Variants in HYLS1 observed in about 807,000 individuals in gnomAD.
The protein encoded by HYLS1 is centriolar and ciliogenesis-associated protein HYLS1.
In HYLS1, 25 loss-of-function variants were observed where a neutral mutation model predicts 29.4. The ratio of observed to expected loss-of-function variants is 0.85; its 90% CI spans 0.62 to 1.19. The LOEUF is 1.19. HYLS1 is among the 50% of genes most tolerant of loss of function. The pLI, the probability that HYLS1 is intolerant of heterozygous loss-of-function variation, is 0.00. For missense variants in HYLS1, 352 were observed against 365.1 expected, an observed-to-expected ratio of 0.96 and a Z score of 0.29; for synonymous variants, 128 against 126.7, an observed-to-expected ratio of 1.01 and a Z score of -0.07.
Position 125,899,472 on chromosome 11 carries a change from G to GTTC in HYLS1, c.105_106insTCT (p.Gly35_Glu36insSer), listed in dbSNP as rs1944692395. On this transcript the variant is annotated inframe_insertion, in exon 3 of 3. Coordinates refer to ENST00000425380, the MANE Select transcript of HYLS1 (RefSeq NM_001134793.2). ...TTTACCCACATCTGTGCAGGGCAGG[G>GTTC]TGAAGGAGATGTCAGGAGAGAAGCC... 2 of 1,614,184 alleles carry GTTC rather than the reference G, an allele frequency of 1.2e-6. No homozygotes were observed. Among genetic ancestry groups the GTTC allele is most frequent in the Admixed American group, 3.3e-5 (2 of 60,016 alleles).
intron 2 of HYLS1, among the ~76,000 whole-genome samples, chr11:125,891,811 G>C (rs190293384): frequency 1.7e-3 from 263 of 152,258 alleles, no homozygotes; most frequent in African/African-American, 4.1e-3. Flanking sequence ...GTACTTTTTA[G>C]TACTACAGGG....
chr11:125,893,955 G>A (rs374773630), intron 2 of HYLS1: 28 of 1,613,950 alleles, frequency 1.7e-5, no homozygotes, highest in East Asian at 4.5e-5. Context: ...TGCTGGATCC[G>A]GGATTCCAGT....
chr11:125,900,219 C>G lies in HYLS1; in HGVS notation c.851C>G (p.Ala284Gly). ...CGTTGGGGTGTTCGTTGTGACCTTGCAAATGGTGTCATACCCAGGAAGCTT... is the reference window on the plus strand; with the variant it reads ...CGTTGGGGTGTTCGTTGTGACCTTGGAAATGGTGTCATACCCAGGAAGCTT... The part of the protein sequence containing the change: ...ALRWGVRCDL[A>G]NGVIPRKLPF... Residue 284 changes from alanine to glycine, a missense_variant, in exon 3 of 3, where the codon GCA becomes GGA. Coordinates refer to ENST00000425380, the MANE Select transcript of HYLS1 (RefSeq NM_001134793.2). 3 of 1,614,156 alleles carry G rather than the reference C, an allele frequency of 1.9e-6. No individual in the cohort carries two copies. The highest frequency in any genetic ancestry group is 2.5e-6 in the Non-Finnish European group (3 of 1,179,986).
chr11:125,899,223 A>G (rs530670115), intron 2 of HYLS1, 121 bp from the exon 3 acceptor site: 28 of 692,406 alleles, frequency 4.0e-5, no homozygotes, highest in Non-Finnish European at 6.1e-5. Flanking sequence ...CCTGTATTGA[A>G]TTTATGATGG....
At chr11:125,894,063 T>G (rs746629267) in intron 2 of HYLS1, 2 of 1,614,152 alleles carry the variant, frequency 1.2e-6, no homozygotes, top group South Asian at 2.2e-5. Context: ...GGCTTAACAT[T>G]TCCCCATTCT....
intron 2 of HYLS1, among the ~76,000 whole-genome samples, chr11:125,892,875 A>T (rs1274465791): frequency 1.3e-5 from 2 of 152,174 alleles, no homozygotes; most frequent in African/African-American, 4.8e-5. Flanking sequence ...TGCTCTACAA[A>T]TGTGACCTGT....
At chr11:125,892,030 G>A (rs1944422298) in intron 2 of HYLS1, among the ~76,000 whole-genome samples, 1 of 152,152 alleles carries the variant, frequency 6.6e-6, no homozygotes, top group African/African-American at 2.4e-5. Context: ...TCTTGAACAT[G>A]GGTAGGAAAA....
intron 2 of HYLS1, chr11:125,895,684 G>A: frequency 6.2e-7 from 1 of 1,614,090 alleles, no homozygotes; most frequent in Non-Finnish European, 8.5e-7. Flanking sequence ...TTGAGAATGT[G>A]GGTATAACGG....
rs1400218346 is a variant in HYLS1, at chr11:125,900,312, C to T, written c.*44C>T. ...CACAGGATTGTTTGAGATAACCTAG[C>T]TCTTTATATCTTCCCTTTTAAATAG... is the stretch of plus-strand genomic sequence containing the variant. On this transcript the variant is annotated 3_prime_UTR_variant, in exon 3 of 3. Transcript: ENST00000425380. 1.3e-6 allele frequency: 2 copies of T among 1,552,546 alleles called. No individual in the cohort carries two copies. The highest frequency in any genetic ancestry group is 1.1e-5 in the South Asian group (1 of 89,218).
At chr11:125,885,172 C>A (rs1047940971), upstream of HYLS1, among the ~76,000 whole-genome samples, 2 of 152,220 alleles carry the variant, frequency 1.3e-5, no homozygotes, top group Non-Finnish European at 2.9e-5. Flanking sequence ...CTAATTGGGG[C>A]TGCACACAGT....
chr11:125,895,702 C>G, intron 2 of HYLS1: 1 of 1,614,040 alleles, frequency 6.2e-7, no homozygotes, highest in Non-Finnish European at 8.5e-7. Flanking sequence ...CGGATCTCTT[C>G]AGCAGCAGCA....
At chr11:125,884,406 G>A (rs985222643), upstream of HYLS1, among the ~76,000 whole-genome samples, 5 of 149,734 alleles carry the variant, frequency 3.3e-5, no homozygotes, top group East Asian at 5.9e-4. Flanking sequence ...TCAGGAGATC[G>A]AGACCATCCT....
intron 2 of HYLS1, chr11:125,896,001 TCAAA>T (rs748282708): frequency 2.5e-6 from 4 of 1,614,190 alleles, no homozygotes; most frequent in Non-Finnish European, 2.5e-6. Flanking sequence ...GGTTAGAGCT[TCAAA>T]CAGTTTCTCT....
intron 2 of HYLS1, among the ~76,000 whole-genome samples, chr11:125,891,939 A>G (rs895619071): frequency 2.0e-5 from 3 of 152,210 alleles, no homozygotes; most frequent in Non-Finnish European, 4.4e-5. Context: ...TATGATTTAT[A>G]TATTAGTATT....
chr11:125,895,741 C>T (rs374516065), intron 2 of HYLS1: 7 of 1,610,788 alleles, frequency 4.3e-6, no homozygotes, highest in African/African-American at 2.7e-5. Context: ...TTAAAGTCCT[C>T]GGAATCCCTG....
chr11:125,889,393 T>C (rs1385398645), intron 1 of HYLS1, among the ~76,000 whole-genome samples: 1 of 152,222 alleles, frequency 6.6e-6, no homozygotes, highest in Non-Finnish European at 1.5e-5. Flanking sequence ...TTCCTGGAAG[T>C]GGATTATGAC....
At chr11:125,895,845 A>T in intron 2 of HYLS1, 1 of 1,584,674 alleles carries the variant, frequency 6.3e-7, no homozygotes, top group Non-Finnish European at 8.6e-7. Flanking sequence ...CTCAGTACTC[A>T]GTGTGTATAC....
At chr11:125,894,259 T>C (rs762147081) in intron 2 of HYLS1, 2 of 1,611,476 alleles carry the variant, frequency 1.2e-6, no homozygotes, top group Middle Eastern at 1.7e-4. Context: ...TACAGTCATA[T>C]AAGACTAGAG....
At chr11:125,888,416 C>A (rs1329364581) in intron 1 of HYLS1, among the ~76,000 whole-genome samples, 1 of 152,140 alleles carries the variant, frequency 6.6e-6, no homozygotes. Flanking sequence ...AAAGCAAGCA[C>A]CTTTATGGCC....
Sources: gnomAD v4.1 joint callset for allele counts (sites outside exome capture counted in the v4.1 genomes callset) on GRCh38, gnomAD v4.1.1 for gene constraint, MANE v1.5 for transcripts, NCBI Gene and HGNC (gene_info 2026-07-23, HGNC 2026-07-21) for gene names.